Variants in RHCE observed in about 807,000 individuals in gnomAD.
The protein encoded by RHCE is Rh blood group CcEe antigens, also known as blood group Rh(CE) polypeptide.
In RHCE, 22 loss-of-function variants were observed where a neutral mutation model predicts 43.8. The ratio of observed to expected loss-of-function variants is 0.50; its 90% CI spans 0.36 to 0.72. RHCE has a LOEUF of 0.72. Among genes scored for constraint, RHCE ranks in the 30% least tolerant of loss-of-function variants. The pLI, the probability that RHCE is intolerant of heterozygous loss-of-function variation, is 0.00. For synonymous variants in RHCE, 156 were observed against 210.7 expected (o/e 0.74, Z 2.25); for missense variants, 385 against 525.4 (o/e 0.73, Z 2.61).
chr1:25,375,501 CG>C, intron 7 of RHCE, 73 bp from the exon 8 acceptor site: 1 of 1,576,818 alleles, frequency 6.3e-7, no homozygotes, highest in Non-Finnish European at 8.7e-7. Flanking sequence ...AAAGGACTGT[CG>C]GTGTCAGTAG....
At chr1:25,402,823 T>C (rs1229980781) in intron 2 of RHCE, 77 bp from the exon 3 acceptor site, 7 of 1,568,898 alleles carry the variant, frequency 4.5e-6, no homozygotes, top group Non-Finnish European at 6.1e-6. Flanking sequence ...ATTCATTCAT[T>C]CAACAAACAC....
At chr1:25,386,210 C>A (rs1426253767) in intron 6 of RHCE, among the ~76,000 whole-genome samples, 1 of 152,206 alleles carries the variant, frequency 6.6e-6, no homozygotes, top group Non-Finnish European at 1.5e-5. Context: ...GGATGTTAAG[C>A]ATCATTCCTG....
At chr1:25,420,544 A>G in intron 1 of RHCE, 95 bp downstream of exon 1, 1 of 1,610,380 alleles carries the variant, frequency 6.2e-7, no homozygotes, top group Non-Finnish European at 8.5e-7. Flanking sequence ...GGGATTTTGT[A>G]GAAAGGAACA....
chr1:25,385,720 C>T lies in RHCE; in HGVS notation c.1064G>A (p.Gly355Asp), dbSNP rs780555061. The T allele has an allele frequency of 1.9e-6, 3 of 1,613,970 alleles. No individual in the cohort carries two copies. Among genetic ancestry groups the T allele is most frequent in the Admixed American group, 1.7e-5 (1 of 60,006 alleles). ...AAGCCCAGTGACCCACATGCCATTG[C>T]CGTTCCAGACAGTATGAAGCACCAG... Reference protein sequence around the residue: ...VLLVLHTVWNGNGMIGFQVLL... With the variant: ...VLLVLHTVWNDNGMIGFQVLL... Residue 355 changes from glycine to aspartate, a missense_variant, in exon 7 of 10, where the codon GGC becomes GAC. Physicochemically the swap from Gly to Asp is moderately conservative, Grantham distance 94. Transcript: ENST00000294413.
At chr1:25,399,964 C>G (rs940109651) in intron 3 of RHCE, among the ~76,000 whole-genome samples, 11 of 152,008 alleles carry the variant, frequency 7.2e-5, no homozygotes, top group African/African-American at 2.4e-4. Context: ...AAAATGTATT[C>G]TGTGAAAATA....
At chr1:25,373,312 C>T (rs1366261946) in intron 8 of RHCE, among the ~76,000 whole-genome samples, 2 of 151,564 alleles carry the variant, frequency 1.3e-5, no homozygotes, top group Non-Finnish European at 2.9e-5. Flanking sequence ...AGTGTGAGTC[C>T]CAGGACAGGG....
chr1:25,426,781 G>A (rs1169391839), intron 2 of RHCE, among the ~76,000 whole-genome samples: 3 of 152,192 alleles, frequency 2.0e-5, no homozygotes, highest in Non-Finnish European at 4.4e-5. Context: ...TTCTGGCCTG[G>A]TGTGGTGTCT....
intron 3 of RHCE, among the ~76,000 whole-genome samples, chr1:25,394,028 C>T (rs560721615): frequency 1.3e-5 from 2 of 152,248 alleles, no homozygotes; most frequent in African/African-American, 2.4e-5. Flanking sequence ...CTCGCTCTGT[C>T]GCCAGGCTGG....
intron 2 of RHCE, among the ~76,000 whole-genome samples, chr1:25,428,474 C>A (rs1282516506): frequency 3.3e-5 from 5 of 152,196 alleles, no homozygotes; most frequent in African/African-American, 9.7e-5. Context: ...GATGGGCAGG[C>A]CTTGGTGAAA....
intron 7 of RHCE, among the ~76,000 whole-genome samples, chr1:25,384,644 T>A (rs1413037977): frequency 6.6e-6 from 1 of 152,122 alleles, no homozygotes; most frequent in African/African-American, 2.4e-5. Context: ...GTGATCCCTA[T>A]AATTTGGGGC....
chr1:25,414,925 T>C (rs1336513652), intron 1 of RHCE, among the ~76,000 whole-genome samples: 1 of 152,156 alleles, frequency 6.6e-6, no homozygotes, highest in Non-Finnish European at 1.5e-5. Context: ...AAGGTTGCTA[T>C]TTTAAGCCAC....
rs571671035 is a variant in RHCE at position 25,385,714 on chromosome 1, C to T, written c.1070G>A (p.Gly357Asp). Reference sequence around the variant, plus strand: ...GGGGGTAAGCCCAGTGACCCACATGCCATTGCCGTTCCAGACAGTATGAAG... The same window carrying T: ...GGGGGTAAGCCCAGTGACCCACATGTCATTGCCGTTCCAGACAGTATGAAG... ...LVLHTVWNGN[G>D]MIGFQVLLSI... Residue 357 changes from glycine to aspartate, a missense_variant, in exon 7 of 10, where the codon GGC becomes GAC. Physicochemically the swap from Gly to Asp is moderately conservative, Grantham distance 94. This residue lies in a region of RHCE where 82 missense variants were observed against 69.2 expected (regional missense o/e 1.18). Coordinates refer to ENST00000294413, the MANE Select transcript of RHCE (RefSeq NM_020485.8). The T allele has an allele frequency of 1.2e-6, 2 of 1,614,030 alleles. No homozygotes were observed. Among genetic ancestry groups the T allele is most frequent in the South Asian group, 1.1e-5 (1 of 91,072 alleles).
chr1:25,406,711 C>T (rs1432880390), intron 2 of RHCE, among the ~76,000 whole-genome samples: 3 of 117,328 alleles, frequency 2.6e-5, no homozygotes, highest in African/African-American at 5.2e-5. Flanking sequence ...CTGCAAACTC[C>T]GCCTCCAAGG....
rs555891556 is a variant in RHCE at position 25,370,889 on chromosome 1, T to C, written c.1154-349A>G. On this transcript the variant is annotated intron_variant, in intron 8 of 9. Transcript: ENST00000294413. ...TCAGCCTCCCAAGTAGCTAAGATTA[T>C]AGGCGCCTGCCACCACATCCAGCTA... Among the ~76,000 whole-genome samples the C allele has an allele frequency of 4.2e-3, 621 of 149,026 alleles. 19 individuals are homozygous for C. Among genetic ancestry groups the C allele is most frequent in the African/African-American group, 0.015 (598 of 40,008 alleles).
chr1:25,405,059 C>T (rs2986149), intron 2 of RHCE, among the ~76,000 whole-genome samples: 84,225 of 145,690 alleles, frequency 0.58, 25,543 homozygotes, highest in African/African-American at 0.75. Flanking sequence ...AAAAGCTAGG[C>T]GTGGTGGTGT....
At position 25,410,241 on chromosome 1, in the gene RHCE, T is replaced by C. The variant is rs556391398; in HGVS notation, c.149-1372A>G. 9.2e-5 allele frequency among the ~76,000 whole-genome samples: 14 copies of C among 152,218 alleles called. No individual in the cohort carries two copies. In the East Asian group the frequency reaches 2.7e-3, roughly 29 times the overall value. ...TAGATAATCTGCTGGAGCCTGTGCC[T>C]TGGACTACCACACCATCTGCCCTCC... On this transcript the variant is annotated intron_variant, in intron 1 of 9. Transcript: ENST00000294413.
Position 25,370,818 on chromosome 1 carries a change from G to A in RHCE, c.1154-278C>T, listed in dbSNP as rs181477253. Among the ~76,000 whole-genome samples the A allele has an allele frequency of 1.8e-3, 268 of 150,082 alleles. 5 individuals carry two copies. The highest frequency in any genetic ancestry group is 0.017 in the South Asian group (83 of 4,782). ...GGCTGGAGTACCGTGGCATGATCTC[G>A]GCTCACTGCAGCCTCTGCCTCCCAG... On this transcript the variant is annotated intron_variant, in intron 8 of 9. Transcript: ENST00000294413.
chr1:25,414,200 G>A (rs1393447834), intron 1 of RHCE, among the ~76,000 whole-genome samples: 7 of 151,818 alleles, frequency 4.6e-5, no homozygotes, highest in African/African-American at 1.4e-4. Flanking sequence ...CAAAGAGTTC[G>A]TTTGGATAAC....
chr1:25,404,094 G>C (rs1646839779), intron 2 of RHCE, among the ~76,000 whole-genome samples: 1 of 150,990 alleles, frequency 6.6e-6, no homozygotes. Flanking sequence ...CTTGAACCCG[G>C]GAGGCAGAGG....
Sources: allele counts gnomAD v4.1 joint callset (sites outside exome capture counted in the v4.1 genomes callset), GRCh38; gene constraint gnomAD v4.1.1; regional missense constraint gnomAD v4.1.1; transcripts MANE v1.5; gene names NCBI Gene and HGNC (gene_info 2026-07-23, HGNC 2026-07-21).